Variants in GPR158 observed in about 807,000 individuals in gnomAD.
GPR158 encodes metabotropic glycine receptor.
Under a neutral mutation model 78.2 loss-of-function variants are expected in GPR158, and 30 were observed. That is an observed-to-expected ratio of 0.38 (90% confidence interval 0.29 to 0.52). GPR158 has a LOEUF of 0.52. Among genes scored for constraint, GPR158 ranks in the 20% least tolerant of loss-of-function variants. The probability of loss-of-function intolerance (pLI) is 0.83; values close to 1 mark genes in which losing one functional copy is unlikely to be tolerated. For synonymous variants in GPR158, 581 were observed against 591.1 expected (o/e 0.98, Z 0.25); for missense variants, 1,463 against 1,523.5 (o/e 0.96, Z 0.66).
chr10:25,372,127 T>G (rs1332099478), intron 2 of GPR158, among the ~76,000 whole-genome samples: 3 of 151,494 alleles, frequency 2.0e-5, no homozygotes, highest in African/African-American at 7.3e-5. Context: ...TCACTGGCCA[T>G]CAGAGAAATG....
chr10:25,235,018 G>T (rs569433959), intron 2 of GPR158, among the ~76,000 whole-genome samples: 2 of 152,056 alleles, frequency 1.3e-5, no homozygotes, highest in Non-Finnish European at 2.9e-5. Context: ...TTTTTCACAG[G>T]GTTCTCTTTA....
intron 2 of GPR158, among the ~76,000 whole-genome samples, chr10:25,341,444 C>T (rs943021774): frequency 2.0e-5 from 3 of 151,724 alleles, no homozygotes; most frequent in African/African-American, 7.3e-5. Context: ...ATTGTACTCT[C>T]TTGGGATACA....
intron 5 of GPR158, among the ~76,000 whole-genome samples, chr10:25,501,223 G>A (rs1835942673): frequency 6.6e-6 from 1 of 152,122 alleles, no homozygotes; most frequent in African/African-American, 2.4e-5. Flanking sequence ...GCACCAGACA[G>A]CGTGGGGACC....
At chr10:25,185,465 G>T (rs1298993218) in intron 1 of GPR158, among the ~76,000 whole-genome samples, 1 of 152,166 alleles carries the variant, frequency 6.6e-6, no homozygotes, top group African/African-American at 2.4e-5. Context: ...GCTAAGCATG[G>T]TTTTACTACC....
At chr10:25,375,442 A>G (rs1834064234) in intron 2 of GPR158, among the ~76,000 whole-genome samples, 1 of 140,250 alleles carries the variant, frequency 7.1e-6, no homozygotes, top group Admixed American at 7.2e-5. Context: ...TGTTCCACCT[A>G]GGTCTGACTT....
intron 1 of GPR158, among the ~76,000 whole-genome samples, chr10:25,179,557 AT>A (rs1852588245): frequency 6.6e-6 from 1 of 152,174 alleles, no homozygotes; most frequent in Admixed American, 6.5e-5. Context: ...CAACATAAAA[AT>A]ATCTTCTTAT....
intron 1 of GPR158, among the ~76,000 whole-genome samples, chr10:25,198,885 T>C (rs539192368): frequency 1.3e-5 from 2 of 152,064 alleles, no homozygotes; most frequent in East Asian, 1.9e-4. Context: ...ATAGGTTCTA[T>C]TGAGGGTTTG....
chr10:25,407,007 A>G (rs12249852), intron 3 of GPR158, among the ~76,000 whole-genome samples: 14,489 of 152,196 alleles, frequency 0.095, 777 homozygotes, highest in East Asian at 0.17. Flanking sequence ...TGTGACTTGG[A>G]CCCCATAATC....
At chr10:25,568,375 A>C (rs1258483394) in intron 6 of GPR158, among the ~76,000 whole-genome samples, 1 of 152,202 alleles carries the variant, frequency 6.6e-6, no homozygotes, top group Non-Finnish European at 1.5e-5. Context: ...GAGGTAGAGA[A>C]GTCTGCAATA....
At chr10:25,518,149 T>C (rs1249961399) in intron 5 of GPR158, among the ~76,000 whole-genome samples, 1 of 91,800 alleles carries the variant, frequency 1.1e-5, no homozygotes, top group Non-Finnish European at 2.2e-5. Context: ...GATATTCTAG[T>C]TTATTTGTGT....
At chr10:25,474,324 T>G (rs1340931001) in intron 5 of GPR158, among the ~76,000 whole-genome samples, 2 of 152,126 alleles carry the variant, frequency 1.3e-5, no homozygotes, top group Non-Finnish European at 2.9e-5. Context: ...CGACACTATT[T>G]ATAGTGGCTA....
chr10:25,290,297 T>C (rs904279476), intron 2 of GPR158, among the ~76,000 whole-genome samples: 2 of 152,244 alleles, frequency 1.3e-5, no homozygotes, highest in African/African-American at 4.8e-5. Context: ...CTGTTACTGC[T>C]AGCCTCTTGT....
intron 5 of GPR158, among the ~76,000 whole-genome samples, chr10:25,540,034 C>T (rs901299280): frequency 6.6e-6 from 1 of 151,958 alleles, no homozygotes; most frequent in Non-Finnish European, 1.5e-5. Context: ...AGAAAATTTT[C>T]GCAACCTACT....
At chr10:25,197,399 TA>T (rs1390549802) in intron 1 of GPR158, among the ~76,000 whole-genome samples, 25 of 152,198 alleles carry the variant, frequency 1.6e-4, no homozygotes, top group Admixed American at 1.6e-3. Context: ...GTGTCTAGCA[TA>T]ATGTCTATTA....
chr10:25,263,012 C>T (rs995462177), intron 2 of GPR158, among the ~76,000 whole-genome samples: 1 of 151,964 alleles, frequency 6.6e-6, no homozygotes, highest in African/African-American at 2.4e-5. Context: ...TTTTTATTTT[C>T]TTGATGTTGT....
At position 25,356,243 on chromosome 10, in the gene GPR158, A is replaced by G. The variant is rs1053491733; in HGVS notation, c.1009-39668A>G. Among the ~76,000 whole-genome samples the G allele has an allele frequency of 5.9e-5, 9 of 152,070 alleles. 1 individual carries two copies. Among genetic ancestry groups the G allele is most frequent in the African/African-American group, 2.2e-4 (9 of 41,424 alleles). On this transcript the variant is annotated intron_variant, in intron 2 of 10. Transcript: ENST00000376351. ...GAGTTTTTTCACTTCTATGTGGCCCAGGAACCTGCCTATCCACATATTTGA... is the reference window on the plus strand; with the variant it reads ...GAGTTTTTTCACTTCTATGTGGCCCGGGAACCTGCCTATCCACATATTTGA...
chr10:25,364,912 C>T (rs148818329), intron 2 of GPR158, among the ~76,000 whole-genome samples: 1,717 of 151,376 alleles, frequency 0.011, 17 homozygotes, highest in Middle Eastern at 0.031. Flanking sequence ...AGAGTGTGTC[C>T]GCACACTTTG....
intron 2 of GPR158, among the ~76,000 whole-genome samples, chr10:25,373,582 C>T (rs1345291480): frequency 6.6e-6 from 1 of 151,798 alleles, no homozygotes; most frequent in East Asian, 1.9e-4. Flanking sequence ...CTTATAAGCA[C>T]AGATTTAGGT....
At chr10:25,504,228 C>T (rs1479244938) in intron 5 of GPR158, among the ~76,000 whole-genome samples, 1 of 152,134 alleles carries the variant, frequency 6.6e-6, no homozygotes, top group African/African-American at 2.4e-5. Context: ...ATTTATTCTC[C>T]TTTGCCTAGC....
Sources: allele counts gnomAD v4.1 joint callset (sites outside exome capture counted in the v4.1 genomes callset), GRCh38; gene constraint gnomAD v4.1.1; transcripts MANE v1.5; gene names NCBI Gene and HGNC (gene_info 2026-07-23, HGNC 2026-07-21).